MYRIP: variants seen among roughly 807,000 people sequenced by gnomAD.
MYRIP encodes myosin VIIA and Rab interacting protein.
In MYRIP, 49 loss-of-function variants were observed where a neutral mutation model predicts 98.0. That is an observed-to-expected ratio of 0.50 (90% CI 0.40 to 0.63). The LOEUF (loss-of-function observed/expected upper bound fraction) is 0.63, where lower values mean the gene tolerates loss of function less well. Among genes scored for constraint, MYRIP ranks in the 30% least tolerant of loss-of-function variants. The pLI is 0.00. For synonymous variants in MYRIP, 404 were observed against 409.5 expected, an observed-to-expected ratio of 0.99 and a Z score of 0.16; for missense variants, 1,004 against 1,058.2, an observed-to-expected ratio of 0.95 and a Z score of 0.71.
intron 2 of MYRIP, among the ~76,000 whole-genome samples, chr3:40,035,846 T>C (rs1947369308): frequency 6.6e-6 from 1 of 151,934 alleles, no homozygotes; most frequent in African/African-American, 2.4e-5. Flanking sequence ...AAACAAATCA[T>C]TAGAACTTCT....
At position 40,244,465 on chromosome 3, in the gene MYRIP, C is replaced by T. The variant is rs1953120886; in HGVS notation, c.2120C>T (p.Thr707Ile). The change falls in exon 13 of 17, where the codon ACT becomes ATT. Residue 707 changes from threonine (T) to isoleucine (I), a missense_variant. Coordinates refer to ENST00000302541, the MANE Select transcript of MYRIP (RefSeq NM_015460.4). The stretch of plus-strand genomic sequence containing the variant: ...CTACAGGTATACCTGGCAGCAGGCA[C>T]TGTGTATGGACTGGAGACCCAGCTG... ...LEENVYLAAG[T>I]VYGLETQLTE... 8 of 1,612,906 alleles carry T rather than the reference C, an allele frequency of 5.0e-6. No homozygotes were observed. The East Asian group carries it at 1.6e-4, about 32-fold the overall frequency.
intron 2 of MYRIP, among the ~76,000 whole-genome samples, chr3:39,925,430 A>G (rs6783929): frequency 0.055 from 8,328 of 152,068 alleles, 383 homozygotes; most frequent in East Asian, 0.15. Context: ...TGATCCCATC[A>G]CCCAGGTAGT....
chr3:39,812,683 G>C (rs1575263236), intron 1 of MYRIP, among the ~76,000 whole-genome samples: 1 of 152,238 alleles, frequency 6.6e-6, no homozygotes, highest in Non-Finnish European at 1.5e-5. Context: ...AGTTGACAGA[G>C]AATCAGAATT....
At chr3:40,106,537 T>G (rs1313959712) in intron 3 of MYRIP, among the ~76,000 whole-genome samples, 1 of 152,208 alleles carries the variant, frequency 6.6e-6, no homozygotes, top group African/African-American at 2.4e-5. Context: ...CCTTTCTGTT[T>G]CAGAGGTATT....
chr3:39,982,688 G>A (rs1220884029), intron 2 of MYRIP, among the ~76,000 whole-genome samples: 1 of 149,332 alleles, frequency 6.7e-6, no homozygotes, highest in African/African-American at 2.6e-5. Flanking sequence ...ACATTTTCTA[G>A]GGGAAGAAAT....
intron 11 of MYRIP, among the ~76,000 whole-genome samples, chr3:40,220,454 T>C (rs1378997403): frequency 6.6e-6 from 1 of 152,196 alleles, no homozygotes; most frequent in African/African-American, 2.4e-5. Flanking sequence ...TCTTCTAGGG[T>C]TTTTATGGTT....
intron 10 of MYRIP, among the ~76,000 whole-genome samples, chr3:40,193,832 T>A (rs1261819949): frequency 6.6e-6 from 1 of 152,236 alleles, no homozygotes; most frequent in African/African-American, 2.4e-5. Context: ...TTTAAAGCTA[T>A]TTACACTTTT....
intron 1 of MYRIP, among the ~76,000 whole-genome samples, chr3:39,859,266 T>A: frequency 6.6e-6 from 1 of 151,992 alleles, no homozygotes; most frequent in South Asian, 2.1e-4. Flanking sequence ...ACCAACAAAT[T>A]GGATACCCTA....
chr3:40,038,671 A>G (rs954310452), intron 2 of MYRIP, among the ~76,000 whole-genome samples: 2 of 152,152 alleles, frequency 1.3e-5, no homozygotes, highest in Non-Finnish European at 2.9e-5. Context: ...TTTCATAATT[A>G]AAATAGTATA....
rs1377738376 is a variant in MYRIP at position 40,167,571 on chromosome 3, GA to G, written c.729+333del. Among the ~76,000 whole-genome samples the G allele has an allele frequency of 3.3e-4, 50 of 152,238 alleles. 1 individual carries two copies. The highest frequency in any genetic ancestry group is 1.1e-3 in the African/African-American group (47 of 41,546). ...CACAGCCAATTCTCCAACACCAACTGAGAAGTGAAATTCCATTCTGATACTA... is the reference window on the plus strand; with the variant it reads ...CACAGCCAATTCTCCAACACCAACTGGAAGTGAAATTCCATTCTGATACTA... On this transcript the variant is annotated intron_variant, in intron 7 of 16. Transcript: ENST00000302541.
At chr3:39,993,444 A>C (rs900139086) in intron 2 of MYRIP, among the ~76,000 whole-genome samples, 3 of 152,156 alleles carry the variant, frequency 2.0e-5, no homozygotes, top group Non-Finnish European at 4.4e-5. Flanking sequence ...CCCCTGGTTA[A>C]CCTCTGGCCA....
chr3:40,176,913 AAAAAAAAAAAAAG>A (rs2125608171), intron 8 of MYRIP, among the ~76,000 whole-genome samples: 1 of 143,170 alleles, frequency 7.0e-6, no homozygotes, highest in East Asian at 2.0e-4. Flanking sequence ...CATCTCAAAA[AAAAAAAAAAAAAG>A]AAAAGAAAAG....
In MYRIP at chr3:40,153,120, A is replaced by AG. The variant is rs1950154387; in HGVS notation, c.469+1936_469+1937insG. ...GGTGACAGAGCAAGACCCTGTCCAA[A>AG]AAAAAAGCATTTTATGGATACCAAG... On this transcript the variant is annotated intron_variant, in intron 4 of 16. Coordinates refer to ENST00000302541, the MANE Select transcript of MYRIP (RefSeq NM_015460.4). 1.6e-4 allele frequency among the ~76,000 whole-genome samples: 24 copies of AG among 152,118 alleles called. No individual in the cohort carries two copies. The South Asian group carries it at 4.8e-3, about 30-fold the overall frequency.
At chr3:39,827,676 A>T (rs1368145966) in intron 1 of MYRIP, among the ~76,000 whole-genome samples, 1 of 151,488 alleles carries the variant, frequency 6.6e-6, no homozygotes, top group Non-Finnish European at 1.5e-5. Flanking sequence ...GTAATTTCAC[A>T]TTTGGTGAAT....
chr3:40,182,170 C>A (rs1171238809), intron 8 of MYRIP, 50 bp from the exon 9 acceptor site: 5 of 1,514,704 alleles, frequency 3.3e-6, no homozygotes, highest in South Asian at 1.3e-5. Flanking sequence ...GCACACCTCC[C>A]AGGCACTGTA....
intron 1 of MYRIP, among the ~76,000 whole-genome samples, chr3:39,891,899 C>A (rs1197951587): frequency 6.5e-5 from 9 of 138,012 alleles, no homozygotes; most frequent in Non-Finnish European, 8.1e-5. Flanking sequence ...GTTACACATA[C>A]CTTTTCTGTT....
At chr3:39,973,134 A>T (rs1234813691) in intron 2 of MYRIP, among the ~76,000 whole-genome samples, 4 of 152,078 alleles carry the variant, frequency 2.6e-5, no homozygotes, top group African/African-American at 9.7e-5. Flanking sequence ...AAGACCCATC[A>T]GGGTGCTGTA....
Position 39,860,731 on chromosome 3 carries a change from C to G in MYRIP, c.-30-40056C>G, listed in dbSNP as rs373507870. Among the ~76,000 whole-genome samples, 365 of 152,322 alleles carry G rather than the reference C, an allele frequency of 2.4e-3. 8 individuals carry two copies. In the South Asian group the frequency reaches 0.073, roughly 30 times the overall value. ...CTCCCTGCCCCAACTACAGCCTCCTCCATGCTGCATTGCTAGTATACACTT... is the reference window on the plus strand; with the variant it reads ...CTCCCTGCCCCAACTACAGCCTCCTGCATGCTGCATTGCTAGTATACACTT... On this transcript the variant is annotated intron_variant, in intron 1 of 16. Coordinates refer to ENST00000302541, the MANE Select transcript of MYRIP (RefSeq NM_015460.4).
At chr3:39,984,113 TGGTTGTGGGGCA>T (rs1945965125) in intron 2 of MYRIP, among the ~76,000 whole-genome samples, 1 of 152,088 alleles carries the variant, frequency 6.6e-6, no homozygotes, top group Admixed American at 6.6e-5. Flanking sequence ...AAATGGTGAG[TGGTTGTGGGGCA>T]GGCCAGGCCA....
Sources: gnomAD v4.1 joint callset for allele counts (sites outside exome capture counted in the v4.1 genomes callset) on GRCh38, gnomAD v4.1.1 for gene constraint, MANE v1.5 for transcripts, NCBI Gene and HGNC (gene_info 2026-07-23, HGNC 2026-07-21) for gene names.